DNAH17: variants seen among roughly 807,000 people sequenced by gnomAD.
DNAH17 encodes dynein axonemal heavy chain 17.
A neutral mutation model predicts 485.6 loss-of-function variants in DNAH17; 376 were observed. That is an observed-to-expected ratio of 0.77 (90% CI 0.71 to 0.84). The LOEUF (loss-of-function observed/expected upper bound fraction) is 0.84. Ranked by LOEUF, DNAH17 falls within the 40% of genes least tolerant of loss-of-function variation. DNAH17 has a pLI of 0.00. For missense variants in DNAH17, 6,370 were observed against 5,839.3 expected, an observed-to-expected ratio of 1.09 and a Z score of -2.96; for synonymous variants, 3,031 against 2,405.9, an observed-to-expected ratio of 1.26 and a Z score of -7.60.
intron 49 of DNAH17, among the ~76,000 whole-genome samples, chr17:78,480,439 G>A (rs932973817): frequency 1.3e-5 from 2 of 152,196 alleles, no homozygotes; most frequent in African/African-American, 4.8e-5. Flanking sequence ...TTTATCTGGA[G>A]TTTGGATTTA....
At chr17:78,521,016 G>A (rs1389210700) in intron 25 of DNAH17, among the ~76,000 whole-genome samples, 13 of 152,118 alleles carry the variant, frequency 8.5e-5, no homozygotes. Flanking sequence ...TATCATGGAG[G>A]GACAGACACG....
chr17:78,506,534 G>A (rs1330257069), intron 30 of DNAH17, among the ~76,000 whole-genome samples, 186 bp downstream of exon 30: 1 of 152,172 alleles, frequency 6.6e-6, no homozygotes, highest in East Asian at 1.9e-4. Context: ...GATGTGAGGC[G>A]AGTCCTGCCA....
chr17:78,515,457 C>T (rs751165994), intron 25 of DNAH17, among the ~76,000 whole-genome samples: 3 of 152,074 alleles, frequency 2.0e-5, no homozygotes, highest in South Asian at 2.1e-4. Flanking sequence ...TGCAGTGAGC[C>T]GAGATCATGC....
chr17:78,491,424 G>A lies in DNAH17; in HGVS notation c.6669+19C>T, dbSNP rs562800367. The A allele has an allele frequency of 1.9e-6, 3 of 1,610,442 alleles. No individual in the cohort carries two copies. The highest frequency in any genetic ancestry group is 2.5e-6 in the Non-Finnish European group (3 of 1,178,386). ...CTGCCTTGGGTGGCCTTGGGGCTTA[G>A]AGTCCAGGGCCCGCGAACCTTGTTG... On this transcript the variant is annotated intron_variant, in intron 43 of 80. Coordinates refer to ENST00000389840, the MANE Select transcript of DNAH17 (RefSeq NM_173628.4).
chr17:78,562,003 C>CCT lies in DNAH17; in HGVS notation c.1570-25_1570-24dup, dbSNP rs546874377. On this transcript the variant is annotated intron_variant, in intron 11 of 80. Transcript: ENST00000389840. ...GAGCTGAGGACAAAGGAGAAGGGGG[C>CCT]CTCTTCACCACAGTCTCCTCCCCTT... 125 of 1,550,014 alleles carry CCT rather than the reference C, an allele frequency of 8.1e-5. No homozygotes were observed. The African/African-American group carries it at 1.6e-3, about 20-fold the overall frequency.
chr17:78,518,150 T>G (rs1355520285), intron 25 of DNAH17, among the ~76,000 whole-genome samples: 1 of 152,140 alleles, frequency 6.6e-6, no homozygotes, highest in Non-Finnish European at 1.5e-5. Context: ...TGACAATAAT[T>G]ACCTTAAATG....
At position 78,462,988 on chromosome 17, in the gene DNAH17, C is replaced by G; in HGVS notation, c.9030G>C (p.Arg3010Ser). ...EMSRVYLATE[R>S]RYNYTTPKTF... Reference sequence around the variant, plus strand: ...TTTTGGGTGTGGTGTAGTTGTAGCGCCTCTCAGTAGCCAGGTATACCCTGG... The same window carrying G: ...TTTTGGGTGTGGTGTAGTTGTAGCGGCTCTCAGTAGCCAGGTATACCCTGG... Residue 3010 changes from arginine to serine, a missense_variant, in exon 57 of 81, where the codon AGG becomes AGC. By Grantham distance (110) the Arg-to-Ser change is moderately radical. Coordinates refer to ENST00000389840, the MANE Select transcript of DNAH17 (RefSeq NM_173628.4). The G allele has an allele frequency of 4.3e-6, 7 of 1,613,948 alleles. No individual in the cohort carries two copies. The highest frequency in any genetic ancestry group is 1.3e-5 in the African/African-American group (1 of 75,016).
Position 78,572,787 on chromosome 17 carries a change from C to G in DNAH17, c.453G>C (p.Val151=), listed in dbSNP as rs1450686546. The G allele has an allele frequency of 6.2e-7, 1 of 1,613,754 alleles. No homozygotes were observed. The highest frequency in any genetic ancestry group is 1.3e-5 in the African/African-American group (1 of 74,922). ...QVHRLKNEMF[V]MSGKIKGKTL... ...TTTTGCCTTTGATCTTGCCACTCAT[C>G]ACAAACATTTCATTCTTCAGCCTGT... Residue 151 remains valine, a synonymous_variant, in exon 3 of 81, where the codon GTG becomes GTC. Coordinates refer to ENST00000389840, the MANE Select transcript of DNAH17 (RefSeq NM_173628.4).
At chr17:78,425,235 T>G in intron 80 of DNAH17, 111 bp downstream of exon 80, 1 of 1,094,736 alleles carries the variant, frequency 9.1e-7, no homozygotes. Flanking sequence ...CTCTCCTGCC[T>G]GTCCCCACAG....
chr17:78,478,032 TCACACCACCA>T (rs1568117530), intron 51 of DNAH17, among the ~76,000 whole-genome samples: 1 of 108,286 alleles, frequency 9.2e-6, no homozygotes, highest in African/African-American at 4.3e-5. Flanking sequence ...ACCACCACCA[TCACACCACCA>T]TCATTACCAT....
At chr17:78,438,990 G>A (rs1278924521) in intron 73 of DNAH17, 100 bp downstream of exon 73, 13 of 1,469,154 alleles carry the variant, frequency 8.8e-6, no homozygotes, top group Non-Finnish European at 1.2e-5. Flanking sequence ...ATTTCTGAAT[G>A]CAAACTCCAC....
intron 62 of DNAH17, among the ~76,000 whole-genome samples, chr17:78,456,407 C>T (rs2087804807): frequency 6.8e-6 from 1 of 147,650 alleles, no homozygotes; most frequent in South Asian, 2.1e-4. Flanking sequence ...CCAAGTTGCC[C>T]ACATTGACAC....
rs748002013 is a variant in DNAH17 at position 78,551,592 on chromosome 17, C to T, written c.2334G>A (p.Leu778=). 2 of 1,614,030 alleles carry T rather than the reference C, an allele frequency of 1.2e-6. No individual in the cohort carries two copies. Among genetic ancestry groups the T allele is most frequent in the Non-Finnish European group, 8.5e-7 (1 of 1,179,912 alleles). The change falls in exon 16 of 81, where the codon TTG becomes TTA. Residue 778 remains leucine (L), a synonymous_variant. Transcript: ENST00000389840. ...GTTTTGCCTTTTGCATCCTGTTCTG[C>T]AAGTTGTGCAGAATTTCTCGCACCT... The part of the protein sequence containing the change: ...IQEVREILHN[L]QNRMQKAKQN...
At position 78,491,463 on chromosome 17, in the gene DNAH17, T is replaced by C; in HGVS notation, c.6649A>G (p.Thr2217Ala). ...CGAACCTTGTTGTCATCCATGACTG[T>C]GTTGAGAGACTCGATCCACATGGGG... ...IDPMWIESLN[T>A]VMDDNKVLTL... is the part of the protein sequence containing the mutation. Residue 2217 changes from threonine (T) to alanine (A), a missense_variant, in exon 43 of 81, where the codon ACA becomes GCA. Thr to Ala is a moderately conservative substitution (Grantham distance 58, BLOSUM62 0). Coordinates refer to ENST00000389840, the MANE Select transcript of DNAH17 (RefSeq NM_173628.4). The C allele has an allele frequency of 6.2e-7, 1 of 1,613,130 alleles. No individual in the cohort carries two copies. The highest frequency in any genetic ancestry group is 8.5e-7 in the Non-Finnish European group (1 of 1,179,614).
chr17:78,472,076 C>T (rs1384800351), intron 54 of DNAH17, among the ~76,000 whole-genome samples: 1 of 152,196 alleles, frequency 6.6e-6, no homozygotes, highest in East Asian at 1.9e-4. Context: ...GTATCTAGGC[C>T]CGTCTAGGGA....
rs1568131059 is a variant in DNAH17, at chr17:78,484,929, C to T, written c.7588G>A (p.Asp2530Asn). 1.2e-6 allele frequency: 2 copies of T among 1,607,298 alleles called. No individual in the cohort carries two copies. The highest frequency in any genetic ancestry group is 1.7e-5 in the Admixed American group (1 of 59,020). ...FIDDMNMPEV[D>N]KYGTVAPHTL... ...TGCGGGGCCACCGTCCCATACTTGT[C>T]CACCTCGGGCATGTTCATGTCGTCG... Residue 2530 changes from aspartate to asparagine, a missense_variant, in exon 48 of 81, where the codon GAC (aspartate) becomes AAC (asparagine). Asp to Asn is a conservative substitution (Grantham distance 23, BLOSUM62 1). Coordinates refer to ENST00000389840, the MANE Select transcript of DNAH17 (RefSeq NM_173628.4).
At position 78,490,721 on chromosome 17, in the gene DNAH17, G is replaced by A. The variant is rs762911286; in HGVS notation, c.6796C>T (p.Pro2266Ser). The change falls in exon 44 of 81, where the codon CCA becomes TCA. Residue 2266 changes from proline to serine, a missense_variant. Coordinates refer to ENST00000389840, the MANE Select transcript of DNAH17 (RefSeq NM_173628.4). ...VSRAGILYIN[P>S]ADLGWNPVVS... ...CACGGGTTCCATCCCAGGTCGGCTG[G>A]GTTGATGTAGAGGATGCCGGCTCTG... 1.2e-6 allele frequency: 2 copies of A among 1,608,468 alleles called. No homozygotes were observed. Among genetic ancestry groups the A allele is most frequent in the South Asian group, 2.2e-5 (2 of 89,828 alleles).
At chr17:78,515,334 C>T in intron 25 of DNAH17, among the ~76,000 whole-genome samples, 1 of 152,090 alleles carries the variant, frequency 6.6e-6, no homozygotes, top group East Asian at 1.9e-4. Flanking sequence ...CATGGTGAAA[C>T]CCCGTCTGTA....
In DNAH17 at chr17:78,561,898, A is replaced by C. The variant is rs760364678; in HGVS notation, c.1652T>G (p.Leu551Arg). The C allele has an allele frequency of 1.3e-5, 21 of 1,613,766 alleles. No homozygotes were observed. The highest frequency in any genetic ancestry group is 1.7e-5 in the Admixed American group (1 of 59,998). ...VAPRYSVMLE[L>R]FDAELDNAKI... ...AGCATTGTCTAGCTCAGCGTCAAAC[A>C]GCTCCAGCATGACTGAATACCTGGG... The change falls in exon 12 of 81, where the codon CTG (leucine) becomes CGG (arginine). Residue 551 changes from leucine (L) to arginine (R), a missense_variant. Physicochemically the swap from Leu to Arg is moderately radical, Grantham distance 102 (BLOSUM62 -2). Transcript: ENST00000389840.
Sources: allele counts gnomAD v4.1 joint callset (sites outside exome capture counted in the v4.1 genomes callset), GRCh38; gene constraint gnomAD v4.1.1; transcripts MANE v1.5; gene names NCBI Gene and HGNC (gene_info 2026-07-23, HGNC 2026-07-21).